Variants in OTULINL observed in about 807,000 individuals in gnomAD.
OTULINL encodes OTU deubiquitinase with linear linkage specificity like.
Under a neutral mutation model 43.9 loss-of-function variants are expected in OTULINL, and 42 were observed. The ratio of observed to expected loss-of-function variants is 0.96; its 90% CI spans 0.75 to 1.24. The LOEUF (loss-of-function observed/expected upper bound fraction) is 1.24. Among genes scored for constraint, OTULINL ranks in the 50% most tolerant of loss-of-function variants. OTULINL has a pLI of 0.00. For missense variants in OTULINL, 411 were observed against 426.4 expected, an observed-to-expected ratio of 0.96 and a Z score of 0.32; for synonymous variants, 172 against 153.6, an observed-to-expected ratio of 1.12 and a Z score of -0.88.
At chr5:14,605,921 C>T (rs1759467522) in intron 5 of OTULINL, among the ~76,000 whole-genome samples, 1 of 152,186 alleles carries the variant, frequency 6.6e-6, no homozygotes, top group Admixed American at 6.5e-5. Context: ...GTTTTCCTGT[C>T]CTCTTCTGAG....
Position 14,612,054 on chromosome 5 carries a change from A to C in OTULINL, c.*1740A>C, listed in dbSNP as rs1285128799. 1 of 152,238 alleles carries C rather than the reference A, an allele frequency of 6.6e-6. No individual in the cohort carries two copies. Among genetic ancestry groups the C allele is most frequent in the East Asian group, 1.9e-4 (1 of 5,200 alleles). The allele number at this position is 152,238 out of a possible 1,614,324, so 9.4% of individuals were successfully genotyped here. A position where few individuals can be genotyped will look rare whatever the true frequency, so the allele number is the denominator to read the frequency against. On this transcript the variant is annotated 3_prime_UTR_variant, in exon 8 of 8. Coordinates refer to ENST00000274217, the MANE Select transcript of OTULINL (RefSeq NM_019018.3). The stretch of plus-strand genomic sequence containing the variant: ...TAATGAGCTCAGCCACAGAAACAAG[A>C]GTTCTTCATTGACCTCTACAGTCCC...
intron 5 of OTULINL, among the ~76,000 whole-genome samples, chr5:14,603,528 G>A (rs1029343433): frequency 1.3e-5 from 2 of 152,212 alleles, no homozygotes; most frequent in African/African-American, 4.8e-5. Flanking sequence ...CATTCTAATA[G>A]TTGTGAATTG....
At chr5:14,591,331 C>G (rs1366183176) in intron 1 of OTULINL, among the ~76,000 whole-genome samples, 1 of 152,116 alleles carries the variant, frequency 6.6e-6, no homozygotes, top group East Asian at 1.9e-4. Context: ...TTTTCTAAGT[C>G]AGCTCAGTGA....
rs1431152518 is a variant in OTULINL, at chr5:14,616,154, G to C, written c.*5840G>C. On this transcript the variant is annotated 3_prime_UTR_variant, in exon 8 of 8. Coordinates refer to ENST00000274217, the MANE Select transcript of OTULINL (RefSeq NM_019018.3). Reference sequence around the variant, plus strand: ...CTTAATCTTGCAGTGTGGTAATAAAGACTTCTACACTTTAGTAGCACTAAA... The same window carrying C: ...CTTAATCTTGCAGTGTGGTAATAAACACTTCTACACTTTAGTAGCACTAAA... Among the ~76,000 whole-genome samples the C allele has an allele frequency of 6.6e-6, 1 of 152,194 alleles. No individual in the cohort carries two copies. The highest frequency in any genetic ancestry group is 1.5e-5 in the Non-Finnish European group (1 of 68,030).
chr5:14,596,796 G>T (rs1024949262), intron 1 of OTULINL, among the ~76,000 whole-genome samples: 4 of 152,156 alleles, frequency 2.6e-5, no homozygotes, highest in African/African-American at 4.8e-5. Flanking sequence ...ACCAGATCTG[G>T]TGAGGGCCTT....
rs1270834650 is a variant in OTULINL at position 14,610,209 on chromosome 5, C to T, written c.966C>T (p.Asn322=). ...AAGTGTTCAGACTGTTCAAGTTTAA[C>T]TCCAGAGACTTTGAAGTCTGCTACC... ...KIKVFRLFKF[N]SRDFEVCYPE... Residue 322 remains asparagine, a synonymous_variant, in exon 8 of 8, where the codon AAC becomes AAT. Coordinates refer to ENST00000274217, the MANE Select transcript of OTULINL (RefSeq NM_019018.3). 26 of 1,613,966 alleles carry T rather than the reference C, an allele frequency of 1.6e-5. No homozygotes were observed. Among genetic ancestry groups the T allele is most frequent in the Non-Finnish European group, 2.1e-5 (25 of 1,179,950 alleles).
At position 14,615,336 on chromosome 5, in the gene OTULINL, G is replaced by T. The variant is rs919880575; in HGVS notation, c.*5022G>T. Among the ~76,000 whole-genome samples, 5 of 152,212 alleles carry T rather than the reference G, an allele frequency of 3.3e-5. No homozygotes were observed. The highest frequency in any genetic ancestry group is 6.5e-5 in the Admixed American group (1 of 15,286). ...TGCTTCAAGTCCATGCCAGGTCATG[G>T]CTTCGTCCGCCTCCCAGCATGTACC... On this transcript the variant is annotated 3_prime_UTR_variant, in exon 8 of 8. Coordinates refer to ENST00000274217, the MANE Select transcript of OTULINL (RefSeq NM_019018.3).
At chr5:14,602,815 A>T (rs936719229) in intron 5 of OTULINL, among the ~76,000 whole-genome samples, 4 of 152,146 alleles carry the variant, frequency 2.6e-5, no homozygotes, top group Non-Finnish European at 5.9e-5. Context: ...GAAGATAGTC[A>T]TTATCTGTGT....
At chr5:14,592,746 C>T (rs1759226031) in intron 1 of OTULINL, among the ~76,000 whole-genome samples, 3 of 152,160 alleles carry the variant, frequency 2.0e-5, no homozygotes, top group Non-Finnish European at 4.4e-5. Context: ...CTTCATAACC[C>T]CAAGCAATAG....
intron 7 of OTULINL, among the ~76,000 whole-genome samples, chr5:14,609,607 AG>A (rs1234702164): frequency 7.0e-6 from 1 of 143,532 alleles, no homozygotes; most frequent in Non-Finnish European, 1.5e-5. Flanking sequence ...TTTTTCAAGT[AG>A]CTTTTTCCTG....
chr5:14,586,904 G>A (rs921456553), intron 1 of OTULINL, among the ~76,000 whole-genome samples: 1 of 151,754 alleles, frequency 6.6e-6, no homozygotes, highest in Non-Finnish European at 1.5e-5. Flanking sequence ...ATACCTCCCT[G>A]TCCTGTACCC....
chr5:14,600,835 T>G, intron 1 of OTULINL, 130 bp from the exon 2 acceptor site: 1 of 839,484 alleles, frequency 1.2e-6, no homozygotes, highest in Non-Finnish European at 1.6e-6. Context: ...TTTAAAAATA[T>G]TTATGTAAAT....
intron 1 of OTULINL, among the ~76,000 whole-genome samples, chr5:14,596,307 C>T (rs548840713): frequency 5.9e-5 from 9 of 152,244 alleles, no homozygotes; most frequent in East Asian, 5.8e-4. Flanking sequence ...AGGGATGAGG[C>T]GGGAAAGCTG....
intron 1 of OTULINL, among the ~76,000 whole-genome samples, chr5:14,589,298 G>A (rs1458811111): frequency 6.6e-6 from 1 of 152,174 alleles, no homozygotes; most frequent in Non-Finnish European, 1.5e-5. Flanking sequence ...TGATGTTTGA[G>A]CTGAGAGCTG....
intron 5 of OTULINL, among the ~76,000 whole-genome samples, chr5:14,606,549 G>A (rs1759481124): frequency 6.6e-6 from 1 of 152,170 alleles, no homozygotes; most frequent in African/African-American, 2.4e-5. Flanking sequence ...CCTAACAAGA[G>A]TCCTATAAAA....
intron 1 of OTULINL, among the ~76,000 whole-genome samples, chr5:14,585,924 T>C (rs571421716): frequency 6.6e-6 from 1 of 152,350 alleles, no homozygotes; most frequent in South Asian, 2.1e-4. Flanking sequence ...TGAATTAAGA[T>C]TGGGTTAACA....
chr5:14,615,580 A>G lies in OTULINL; in HGVS notation c.*5266A>G, dbSNP rs1759660389. Among the ~76,000 whole-genome samples, 1 of 152,196 alleles carries G rather than the reference A, an allele frequency of 6.6e-6. No individual in the cohort carries two copies. Reference sequence around the variant, plus strand: ...GCCAGAGATGAGGGGACGCCTGGTGAAAATGGTGTTTGTTGTAACATCTTG... The same window carrying G: ...GCCAGAGATGAGGGGACGCCTGGTGGAAATGGTGTTTGTTGTAACATCTTG... On this transcript the variant is annotated 3_prime_UTR_variant, in exon 8 of 8. Coordinates refer to ENST00000274217, the MANE Select transcript of OTULINL (RefSeq NM_019018.3).
rs1198530494 is a variant in OTULINL at position 14,615,469 on chromosome 5, A to C, written c.*5155A>C. On this transcript the variant is annotated 3_prime_UTR_variant, in exon 8 of 8. Transcript: ENST00000274217. ...GTACAGACTGATGACGAAGGAGAGG[A>C]CCAGAAAAGCTGCTTGGGTGTGGTG... Among the ~76,000 whole-genome samples, 1 of 152,154 alleles carries C rather than the reference A, an allele frequency of 6.6e-6. No individual in the cohort carries two copies. Among genetic ancestry groups the C allele is most frequent in the Non-Finnish European group, 1.5e-5 (1 of 68,026 alleles).
At chr5:14,589,876 T>C (rs2126771724) in intron 1 of OTULINL, among the ~76,000 whole-genome samples, 1 of 152,046 alleles carries the variant, frequency 6.6e-6, no homozygotes, top group Middle Eastern at 3.2e-3. Context: ...ACTTGAACTT[T>C]GGAGGCAGAG....
Sources: gnomAD v4.1 joint callset for allele counts (sites outside exome capture counted in the v4.1 genomes callset) on GRCh38, gnomAD v4.1.1 for gene constraint, MANE v1.5 for transcripts, NCBI Gene and HGNC (gene_info 2026-07-23, HGNC 2026-07-21) for gene names.